The following KCNIP1 variants were observed in gnomAD, a reference collection of about 807,000 sequenced individuals.
The protein encoded by KCNIP1 is potassium voltage-gated channel interacting protein 1, also known as A-type potassium channel modulatory protein KCNIP1.
A neutral mutation model predicts 33.0 loss-of-function variants in KCNIP1; 18 were observed. That is an observed-to-expected ratio of 0.55 (90% CI 0.38 to 0.81). KCNIP1 has a LOEUF of 0.81. Ranked by LOEUF, KCNIP1 falls within the 30% of genes least tolerant of loss-of-function variation. KCNIP1 has a pLI of 0.00. For synonymous variants in KCNIP1, 93 were observed against 98.3 expected (o/e 0.95, Z 0.32); for missense variants, 238 against 271.6 (o/e 0.88, Z 0.87).
intron 1 of KCNIP1, among the ~76,000 whole-genome samples, chr5:170,590,351 C>T (rs1031360310): frequency 6.6e-6 from 1 of 152,092 alleles, no homozygotes; most frequent in Non-Finnish European, 1.5e-5. Flanking sequence ...GGTCTGGGGG[C>T]CCCATGCTGC....
At chr5:170,510,348 G>T (rs1294744026) in intron 1 of KCNIP1, among the ~76,000 whole-genome samples, 1 of 152,248 alleles carries the variant, frequency 6.6e-6, no homozygotes, top group African/African-American at 2.4e-5. Context: ...ATCCAGGCTT[G>T]ATGGATGCTG....
At chr5:170,735,412 G>T (rs1341108106) in intron 7 of KCNIP1, among the ~76,000 whole-genome samples, 2 of 152,080 alleles carry the variant, frequency 1.3e-5, no homozygotes, top group African/African-American at 4.8e-5. Flanking sequence ...TGCAAGGTTG[G>T]TTTAACATTC....
chr5:170,727,280 C>T (rs1385613739), intron 5 of KCNIP1, among the ~76,000 whole-genome samples: 1 of 152,216 alleles, frequency 6.6e-6, no homozygotes, highest in African/African-American at 2.4e-5. Flanking sequence ...GAAATTAGAT[C>T]TGTGGTTGCC....
chr5:170,521,164 C>G (rs1755350976), intron 1 of KCNIP1, among the ~76,000 whole-genome samples: 1 of 152,220 alleles, frequency 6.6e-6, no homozygotes, highest in African/African-American at 2.4e-5. Flanking sequence ...CTGGCATGTG[C>G]TATCCCTCCC....
intron 1 of KCNIP1, among the ~76,000 whole-genome samples, chr5:170,673,814 C>T (rs1241126617): frequency 2.0e-5 from 3 of 152,026 alleles, no homozygotes; most frequent in Admixed American, 2.0e-4. Context: ...TACTCCACAC[C>T]CTCCAAAGCC....
intron 1 of KCNIP1, among the ~76,000 whole-genome samples, chr5:170,565,095 C>G (rs1757159850): frequency 1.3e-5 from 2 of 152,046 alleles, no homozygotes; most frequent in Admixed American, 1.3e-4. Flanking sequence ...CTTTATCTCC[C>G]CTTCTCTTTC....
rs1008916930 is a variant in KCNIP1, at chr5:170,506,344, A to G, written c.61+1711A>G. On this transcript the variant is annotated intron_variant, in intron 1 of 7. Transcript: ENST00000328939. ...TATGCTACTTCCCGGAGGGAAGGGTATGTAGGAAGTAGAGGAAGGGAAGAC... is the reference window on the plus strand; with the variant it reads ...TATGCTACTTCCCGGAGGGAAGGGTGTGTAGGAAGTAGAGGAAGGGAAGAC... Among the ~76,000 whole-genome samples the G allele has an allele frequency of 2.6e-5, 4 of 152,242 alleles. No homozygotes were observed. In the East Asian group the frequency reaches 7.7e-4, roughly 29 times the overall value.
At chr5:170,666,037 C>T (rs1276063674) in intron 1 of KCNIP1, among the ~76,000 whole-genome samples, 1 of 152,208 alleles carries the variant, frequency 6.6e-6, no homozygotes, top group African/African-American at 2.4e-5. Flanking sequence ...CCCTCTTACA[C>T]ACTGGGCTCT....
At chr5:170,431,240 G>A (rs1185724987) in intron 1 of KCNIP1, among the ~76,000 whole-genome samples, 1 of 152,228 alleles carries the variant, frequency 6.6e-6, no homozygotes, top group African/African-American at 2.4e-5. Context: ...TGCCTGTCAG[G>A]AGACATCTTC....
chr5:170,512,441 C>T (rs925230036), intron 1 of KCNIP1, among the ~76,000 whole-genome samples: 1 of 152,314 alleles, frequency 6.6e-6, no homozygotes, highest in Non-Finnish European at 1.5e-5. Context: ...GTATGTTATA[C>T]GGTTGTTATG....
chr5:170,405,048 G>A (rs1393667367), intron 1 of KCNIP1, among the ~76,000 whole-genome samples: 1 of 152,152 alleles, frequency 6.6e-6, no homozygotes, highest in Admixed American at 6.5e-5. Flanking sequence ...GTTTCCTTGG[G>A]ATAGACTCCC....
At chr5:170,718,961 A>T (rs1427330684) in intron 2 of KCNIP1, 79 bp downstream of exon 2, 14 of 1,542,926 alleles carry the variant, frequency 9.1e-6, no homozygotes, top group Non-Finnish European at 1.2e-5. Context: ...AAGGGAGCTC[A>T]TAAGGCGTTT....
At chr5:170,417,710 T>C (rs997607257) in intron 1 of KCNIP1, among the ~76,000 whole-genome samples, 2 of 152,210 alleles carry the variant, frequency 1.3e-5, no homozygotes, top group Non-Finnish European at 2.9e-5. Context: ...TGGTGTTTTC[T>C]CTATACGCCA....
intron 1 of KCNIP1, among the ~76,000 whole-genome samples, chr5:170,650,161 TA>T (rs1369274963): frequency 6.6e-6 from 1 of 152,222 alleles, no homozygotes; most frequent in Non-Finnish European, 1.5e-5. Context: ...TAAAAAAAGA[TA>T]TATTGAAATA....
chr5:170,500,989 T>A (rs1757399389), upstream of KCNIP1, among the ~76,000 whole-genome samples: 1 of 152,146 alleles, frequency 6.6e-6, no homozygotes. Context: ...AGAGACTCAC[T>A]CATTCATTTA....
chr5:170,721,381 T>A (rs961578490), intron 3 of KCNIP1, among the ~76,000 whole-genome samples: 3 of 152,124 alleles, frequency 2.0e-5, no homozygotes, highest in Non-Finnish European at 4.4e-5. Context: ...TCTTGCTACA[T>A]CCCATTGTAG....
chr5:170,523,340 G>A (rs1042959012), intron 1 of KCNIP1, among the ~76,000 whole-genome samples: 2 of 152,216 alleles, frequency 1.3e-5, no homozygotes, highest in Non-Finnish European at 2.9e-5. Flanking sequence ...CCCTCCGCCA[G>A]GAAAGCCGAT....
chr5:170,580,603 C>T (rs141407132), intron 1 of KCNIP1, among the ~76,000 whole-genome samples: 200 of 152,234 alleles, frequency 1.3e-3, no homozygotes, highest in African/African-American at 4.2e-3. Context: ...CAATGCAGAC[C>T]ACGCTGGGCA....
intron 1 of KCNIP1, among the ~76,000 whole-genome samples, chr5:170,448,320 A>C (rs1756166547): frequency 6.6e-6 from 1 of 152,248 alleles, no homozygotes; most frequent in Admixed American, 6.5e-5. Context: ...GAGTTGCCTC[A>C]TTTCACTTCT....
Sources: gnomAD v4.1 joint callset for allele counts (sites outside exome capture counted in the v4.1 genomes callset) on GRCh38, gnomAD v4.1.1 for gene constraint, MANE v1.5 for transcripts, NCBI Gene and HGNC (gene_info 2026-07-23, HGNC 2026-07-21) for gene names.